SPAG1: variants seen among roughly 807,000 people sequenced by gnomAD.
SPAG1 encodes the protein sperm-associated antigen 1.
A neutral mutation model predicts 100.5 loss-of-function variants in SPAG1; 69 were observed. The ratio of observed to expected loss-of-function variants is 0.69; its 90% CI spans 0.57 to 0.84. SPAG1 has a LOEUF of 0.84. Ranked by LOEUF, SPAG1 falls within the 40% of genes least tolerant of loss-of-function variation. The pLI is 0.00. For missense variants in SPAG1, 955 were observed against 1,133.1 expected, an observed-to-expected ratio of 0.84 and a Z score of 2.26; for synonymous variants, 336 against 411.6, an observed-to-expected ratio of 0.82 and a Z score of 2.22.
At chr8:100,190,979 A>C (rs972548360) in intron 8 of SPAG1, among the ~76,000 whole-genome samples, 2 of 151,976 alleles carry the variant, frequency 1.3e-5, no homozygotes, top group Non-Finnish European at 2.9e-5. Context: ...CAATATACTA[A>C]ATTTTGATAA....
intron 10 of SPAG1, among the ~76,000 whole-genome samples, chr8:100,207,261 G>A (rs937970456): frequency 4.6e-5 from 7 of 152,198 alleles, no homozygotes; most frequent in African/African-American, 1.7e-4. Flanking sequence ...TCAGGCTCAA[G>A]CAGGTTCTGA....
At chr8:100,169,129 G>A (rs1015081884) in intron 3 of SPAG1, among the ~76,000 whole-genome samples, 1 of 152,078 alleles carries the variant, frequency 6.6e-6, no homozygotes, top group African/African-American at 2.4e-5. Flanking sequence ...CTCCTAGGAA[G>A]TTTATAGTTT....
chr8:100,211,238 A>G (rs1245279715), intron 10 of SPAG1, among the ~76,000 whole-genome samples: 1 of 152,208 alleles, frequency 6.6e-6, no homozygotes, highest in Non-Finnish European at 1.5e-5. Context: ...TCCCACGGGT[A>G]TCCCAACACC....
intron 3 of SPAG1, among the ~76,000 whole-genome samples, chr8:100,176,943 C>T (rs1468431711): frequency 6.8e-6 from 1 of 147,736 alleles, no homozygotes; most frequent in Non-Finnish European, 1.5e-5. Context: ...CCTCTCCTCT[C>T]CTTCTTTTTT....
At chr8:100,175,800 G>A (rs1816089401) in intron 3 of SPAG1, among the ~76,000 whole-genome samples, 1 of 152,150 alleles carries the variant, frequency 6.6e-6, no homozygotes, top group Non-Finnish European at 1.5e-5. Context: ...AAGCATTGAT[G>A]GAACCAATAC....
intron 12 of SPAG1, 38 bp downstream of exon 12, chr8:100,213,956 A>G (rs1208028663): frequency 8.3e-7 from 1 of 1,198,340 alleles, no homozygotes; most frequent in Admixed American, 1.9e-5. Context: ...AGAGATTGTT[A>G]TAATTTCATT....
chr8:100,212,360 T>G (rs925678389), intron 10 of SPAG1, among the ~76,000 whole-genome samples: 3 of 152,242 alleles, frequency 2.0e-5, no homozygotes, highest in Non-Finnish European at 4.4e-5. Context: ...TGCTGTGAAA[T>G]GATTAATTGC....
At chr8:100,212,764 C>A (rs911661977) in intron 10 of SPAG1, among the ~76,000 whole-genome samples, 1 of 152,232 alleles carries the variant, frequency 6.6e-6, no homozygotes, top group Non-Finnish European at 1.5e-5. Flanking sequence ...CTCACCTGGA[C>A]AGGTGGACTT....
chr8:100,236,358 G>A (rs879368813), intron 16 of SPAG1, among the ~76,000 whole-genome samples: 2 of 152,152 alleles, frequency 1.3e-5, no homozygotes, highest in Admixed American at 1.3e-4. Context: ...GGCCAGGATT[G>A]GTGTTAAACC....
chr8:100,193,103 G>C (rs1342565465), intron 9 of SPAG1, among the ~76,000 whole-genome samples: 1 of 152,088 alleles, frequency 6.6e-6, no homozygotes, highest in African/African-American at 2.4e-5. Context: ...AGAAAAAGTT[G>C]ATATATTGGA....
chr8:100,223,127 A>G (rs1340809795), intron 13 of SPAG1, among the ~76,000 whole-genome samples: 2 of 152,228 alleles, frequency 1.3e-5, no homozygotes, highest in Non-Finnish European at 2.9e-5. Flanking sequence ...ATTCCATTAT[A>G]TGCATGTATA....
intron 10 of SPAG1, 77 bp from the exon 11 acceptor site, chr8:100,213,013 C>CGCGCGGCCT: frequency 9.5e-7 from 1 of 1,056,044 alleles, no homozygotes; most frequent in Non-Finnish European, 1.2e-6. Flanking sequence ...GTCCTGCACC[C>CGCGCGGCCT]CCGCGGCCTC....
chr8:100,235,721 T>C (rs983357399), intron 16 of SPAG1, among the ~76,000 whole-genome samples: 3 of 152,162 alleles, frequency 2.0e-5, no homozygotes, highest in Non-Finnish European at 4.4e-5. Flanking sequence ...AGATCCACTC[T>C]GGCTGCAGTG....
At chr8:100,216,856 G>A (rs893221056) in intron 12 of SPAG1, among the ~76,000 whole-genome samples, 1 of 150,688 alleles carries the variant, frequency 6.6e-6, no homozygotes, top group Admixed American at 6.6e-5. Context: ...GTTAAAGGGA[G>A]TTTTTGTGTT....
chr8:100,188,003 C>T (rs909025566), intron 8 of SPAG1, among the ~76,000 whole-genome samples: 4 of 152,110 alleles, frequency 2.6e-5, no homozygotes, highest in African/African-American at 9.7e-5. Context: ...TAGGCGTGCA[C>T]CACCACGCCT....
At chr8:100,235,512 G>A (rs1379543806) in intron 16 of SPAG1, among the ~76,000 whole-genome samples, 3 of 152,140 alleles carry the variant, frequency 2.0e-5, no homozygotes, top group Non-Finnish European at 2.9e-5. Context: ...GTGATAATGG[G>A]GAGCATTCAG....
chr8:100,183,518 T>C (rs1586426900), intron 5 of SPAG1, 82 bp downstream of exon 5: 1 of 671,792 alleles, frequency 1.5e-6, no homozygotes, highest in Admixed American at 2.6e-5. Context: ...TCTTAAATAA[T>C]TATTATAAAC....
chr8:100,178,682 T>C (rs1383953236), intron 4 of SPAG1, among the ~76,000 whole-genome samples: 1 of 152,246 alleles, frequency 6.6e-6, no homozygotes, highest in Non-Finnish European at 1.5e-5. Flanking sequence ...TCTTCATCAC[T>C]CTGCTCTCTG....
In SPAG1 at chr8:100,239,912, AG is replaced by A. The variant is rs1398186911; in HGVS notation, c.2281-488del. On this transcript the variant is annotated intron_variant, in intron 17 of 18. Transcript: ENST00000388798. This position sits in a 1 kb window ranked among gnomAD's most constrained non-coding sequence, Gnocchi z 5.0. ...AAAATGTTTTTCTCTGCCTAATATT[AG>A]GGAAGAATGTTAGGCTGTGAATCCC... Among the ~76,000 whole-genome samples, 1 of 152,198 alleles carries A rather than the reference AG, an allele frequency of 6.6e-6. No individual in the cohort carries two copies. The highest frequency in any genetic ancestry group is 1.5e-5 in the Non-Finnish European group (1 of 68,040).
Sources: allele counts gnomAD v4.1 joint callset (sites outside exome capture counted in the v4.1 genomes callset), GRCh38; gene constraint gnomAD v4.1.1; non-coding constraint Gnocchi (gnomAD v3.1); transcripts MANE v1.5; gene names NCBI Gene and HGNC (gene_info 2026-07-23, HGNC 2026-07-21).